DGKD: variants seen among roughly 807,000 people sequenced by gnomAD.
DGKD encodes diacylglycerol kinase delta.
In DGKD, 68 loss-of-function variants were observed where a neutral mutation model predicts 154.4. The observed-to-expected ratio is 0.44, with a 90% CI of 0.36 to 0.54. DGKD has a LOEUF of 0.54. Among genes scored for constraint, DGKD ranks in the 20% least tolerant of loss-of-function variants. The probability of loss-of-function intolerance (pLI) is 0.00; values close to 1 mark genes in which losing one functional copy is unlikely to be tolerated. For synonymous variants in DGKD, 693 were observed against 638.0 expected (o/e 1.09, Z -1.30); for missense variants, 1,343 against 1,593.6 (o/e 0.84, Z 2.68).
chr2:233,363,187 C>T (rs1185292980), intron 1 of DGKD, among the ~76,000 whole-genome samples: 2 of 152,154 alleles, frequency 1.3e-5, no homozygotes, highest in Admixed American at 6.5e-5. Flanking sequence ...GAGGTGACAG[C>T]TCCATGCACG....
At chr2:233,367,268 G>A (rs1466041406) in intron 1 of DGKD, among the ~76,000 whole-genome samples, 10 of 149,328 alleles carry the variant, frequency 6.7e-5, no homozygotes, top group African/African-American at 1.5e-4. Flanking sequence ...TCACTCTGTC[G>A]CCCAGACTGG....
In DGKD at chr2:233,457,180, T is replaced by C. The variant is rs2063488573; in HGVS notation, c.2473-41T>C. 4 of 1,462,970 alleles carry C rather than the reference T, an allele frequency of 2.7e-6. No homozygotes were observed. The highest frequency in any genetic ancestry group is 4.5e-5 in the Admixed American group (2 of 44,938). The allele number at this position is 1,462,970 out of a possible 1,614,324, so 90.6% of individuals were successfully genotyped here. On this transcript the variant is annotated intron_variant, in intron 20 of 29. Transcript: ENST00000264057. This position sits in a 1 kb window ranked among gnomAD's most constrained non-coding sequence, Gnocchi z 5.5. ...TGGTAGAGAAGGAGGGGCTGACTCA[T>C]ACCTTTCTCTTTTCTTTTGTTCTGT...
chr2:233,460,014 C>A (rs2063574894), intron 23 of DGKD, 123 bp downstream of exon 23: 4 of 1,443,246 alleles, frequency 2.8e-6, no homozygotes, highest in Non-Finnish European at 3.6e-6. Context: ...TTTTAAGACA[C>A]AATGATTAAG....
chr2:233,382,807 G>A (rs1702966997), intron 1 of DGKD, among the ~76,000 whole-genome samples: 2 of 152,120 alleles, frequency 1.3e-5, no homozygotes, highest in Non-Finnish European at 2.9e-5. Context: ...AATACATGGA[G>A]TATACACATA....
intron 3 of DGKD, among the ~76,000 whole-genome samples, chr2:233,398,222 A>T (rs1266011594): frequency 6.6e-6 from 1 of 151,218 alleles, no homozygotes; most frequent in Non-Finnish European, 1.5e-5. Flanking sequence ...GGCTTACTGC[A>T]AGCTCCGCCT....
chr2:233,376,392 C>G (rs754576115), intron 1 of DGKD, among the ~76,000 whole-genome samples: 3 of 152,188 alleles, frequency 2.0e-5, no homozygotes, highest in Non-Finnish European at 4.4e-5. Flanking sequence ...TATGTCCTCT[C>G]TGGACCCCAA....
In DGKD at chr2:233,449,456, C is replaced by G; in HGVS notation, c.1888+80C>G. On this transcript the variant is annotated intron_variant, in intron 15 of 29. Coordinates refer to ENST00000264057, the MANE Select transcript of DGKD (RefSeq NM_152879.3). The surrounding 1 kb of genome is among the most constrained non-coding windows in gnomAD (Gnocchi z 5.3). ...CAGCGTCCCCTGAACACGGAGATGA[C>G]AGAAGGGTGCATGTTGAGAAAACCT... 6.0e-6 allele frequency: 9 copies of G among 1,492,502 alleles called. No individual in the cohort carries two copies. Among genetic ancestry groups the G allele is most frequent in the Non-Finnish European group, 8.1e-6 (9 of 1,116,392 alleles). 92.5% of individuals were successfully genotyped at this position (1,492,502 alleles called of 1,614,324 possible). A position where few individuals can be genotyped will look rare whatever the true frequency, so the allele number is the denominator to read the frequency against.
chr2:233,470,174 C>T lies in DGKD; in HGVS notation c.*714C>T, dbSNP rs1243509969. On this transcript the variant is annotated 3_prime_UTR_variant, in exon 30 of 30. Coordinates refer to ENST00000264057, the MANE Select transcript of DGKD (RefSeq NM_152879.3). ...CCTCTCTCCTCCCGCTCCTCCCTCCCCCCACTGTGGGCTGGGGACGCCTGC... is the reference window on the plus strand; with the variant it reads ...CCTCTCTCCTCCCGCTCCTCCCTCCTCCCACTGTGGGCTGGGGACGCCTGC... The T allele has an allele frequency of 6.6e-6, 1 of 152,630 alleles. No homozygotes were observed. The highest frequency in any genetic ancestry group is 1.5e-5 in the Non-Finnish European group (1 of 68,250). The allele number at this position is 152,630 out of a possible 1,614,324, so 9.5% of individuals were successfully genotyped here. A position where few individuals can be genotyped will look rare whatever the true frequency, so the allele number is the denominator to read the frequency against.
chr2:233,356,389 G>A (rs1013442577), intron 1 of DGKD, among the ~76,000 whole-genome samples: 4 of 152,148 alleles, frequency 2.6e-5, no homozygotes, highest in Admixed American at 6.5e-5. Flanking sequence ...AAGTATGGGG[G>A]TGATGGATCA....
intron 1 of DGKD, among the ~76,000 whole-genome samples, chr2:233,366,980 A>C (rs78077358): frequency 0.015 from 2,324 of 152,298 alleles, 54 homozygotes; most frequent in African/African-American, 0.052. Context: ...ATACCATTAT[A>C]CCTGAAAAAA....
At chr2:233,388,505 C>T (rs1703344775) in intron 2 of DGKD, 138 bp downstream of exon 2, 2 of 732,216 alleles carry the variant, frequency 2.7e-6, no homozygotes, top group African/African-American at 3.6e-5. Flanking sequence ...TGTAACACTC[C>T]ACGCTGTCAG....
rs114069452 is a variant in DGKD at position 233,428,670 on chromosome 2, A to T, written c.349-5710A>T. Reference sequence around the variant, plus strand: ...CACAGCTAGCAAGGGCTTCAGACTCAGGGAATGTGCCAGGCCCTGTGCACA... The same window carrying T: ...CACAGCTAGCAAGGGCTTCAGACTCTGGGAATGTGCCAGGCCCTGTGCACA... On this transcript the variant is annotated intron_variant, in intron 3 of 29. Coordinates refer to ENST00000264057, the MANE Select transcript of DGKD (RefSeq NM_152879.3). 1.1e-3 allele frequency among the ~76,000 whole-genome samples: 174 copies of T among 152,322 alleles called. 1 individual carries two copies. Among genetic ancestry groups the T allele is most frequent in the African/African-American group, 3.9e-3 (162 of 41,582 alleles).
intron 11 of DGKD, 83 bp from the exon 12 acceptor site, chr2:233,446,629 C>T (rs1575138309): frequency 2.1e-6 from 3 of 1,415,080 alleles, no homozygotes; most frequent in South Asian, 1.2e-5. Context: ...TCAAGGCTGC[C>T]AGCCGTGAAA....
Position 233,354,705 on chromosome 2 carries a change from C to A in DGKD, c.156+31C>A. On this transcript the variant is annotated intron_variant, in intron 1 of 29. Transcript: ENST00000264057. The surrounding 1 kb of genome is among the most constrained non-coding windows in gnomAD (Gnocchi z 4.8). ...CCCGCGGCGCGGCGGCCCGGGCGCG[C>A]GCCCCTCACGCCGCGGCAGCCCCGG... The A allele has an allele frequency of 1.0e-6, 1 of 978,600 alleles. No individual in the cohort carries two copies. The highest frequency in any genetic ancestry group is 1.2e-6 in the Non-Finnish European group (1 of 826,492). 60.6% of individuals were successfully genotyped at this position (978,600 alleles called of 1,614,324 possible). A position where few individuals can be genotyped will look rare whatever the true frequency, so the allele number is the denominator to read the frequency against.
In DGKD at chr2:233,354,829, C is replaced by G. The variant is rs941684217; in HGVS notation, c.156+155C>G. 6.9e-6 allele frequency among the ~76,000 whole-genome samples: 1 copy of G among 144,948 alleles called. No individual in the cohort carries two copies. Among genetic ancestry groups the G allele is most frequent in the African/African-American group, 2.5e-5 (1 of 40,534 alleles). On this transcript the variant is annotated intron_variant, in intron 1 of 29. Coordinates refer to ENST00000264057, the MANE Select transcript of DGKD (RefSeq NM_152879.3). This position sits in a 1 kb window ranked among gnomAD's most constrained non-coding sequence, Gnocchi z 4.8. ...CGCCCCTGTCGAGCGTGCCCCGCCGCTGTAACGGGCCGGCGCCCCGGGCGG... is the reference window on the plus strand; with the variant it reads ...CGCCCCTGTCGAGCGTGCCCCGCCGGTGTAACGGGCCGGCGCCCCGGGCGG...
intron 26 of DGKD, chr2:233,463,800 C>T: frequency 6.9e-6 from 2 of 290,448 alleles, no homozygotes; most frequent in South Asian, 8.5e-5. Flanking sequence ...CACTGCACAC[C>T]TCCTGCTGCC....
At chr2:233,364,272 A>G (rs1701923223) in intron 1 of DGKD, among the ~76,000 whole-genome samples, 1 of 152,230 alleles carries the variant, frequency 6.6e-6, no homozygotes, top group South Asian at 2.1e-4. Context: ...ATAAACAAAA[A>G]CAATGTTTTT....
rs545078675 is a variant in DGKD, at chr2:233,432,527, C to T, written c.349-1853C>T. Among the ~76,000 whole-genome samples, 60 of 152,214 alleles carry T rather than the reference C, an allele frequency of 3.9e-4. 1 individual carries two copies. The East Asian group carries it at 6.2e-3, about 16-fold the overall frequency. ...ACAAAAAATTAGCTGGGTGTGGTGG[C>T]GGGCGCCTGTAGTCCCAGCTACTCG... On this transcript the variant is annotated intron_variant, in intron 3 of 29. Transcript: ENST00000264057.
chr2:233,400,901 G>A (rs1323019736), intron 3 of DGKD, among the ~76,000 whole-genome samples: 1 of 152,054 alleles, frequency 6.6e-6, no homozygotes, highest in Non-Finnish European at 1.5e-5. Flanking sequence ...TCCTTTATGA[G>A]GGAAGTTTTA....
Sources: gnomAD v4.1 joint callset for allele counts (sites outside exome capture counted in the v4.1 genomes callset) on GRCh38, gnomAD v4.1.1 for gene constraint, Gnocchi (gnomAD v3.1) non-coding constraint, MANE v1.5 for transcripts, NCBI Gene and HGNC (gene_info 2026-07-23, HGNC 2026-07-21) for gene names.